The following SVEP1 variants were observed in gnomAD, a reference collection of about 807,000 sequenced individuals.
SVEP1 encodes sushi, von Willebrand factor type A, EGF and pentraxin domain-containing protein 1.
SVEP1 carries 164 observed loss-of-function variants against 367.3 expected under a neutral mutation model. The observed-to-expected ratio is 0.45, with a 90% CI of 0.39 to 0.51. The LOEUF (loss-of-function observed/expected upper bound fraction) is 0.51, where lower values mean the gene tolerates loss of function less well. Ranked by LOEUF, SVEP1 falls within the 20% of genes least tolerant of loss-of-function variation. The pLI, the probability that SVEP1 is intolerant of heterozygous loss-of-function variation, is 0.00. For synonymous variants in SVEP1, 1,666 were observed against 1,611.6 expected (o/e 1.03, Z -0.81); for missense variants, 4,117 against 4,425.3 (o/e 0.93, Z 1.98).
At chr9:110,540,663 G>T (rs1389106101) in intron 3 of SVEP1, among the ~76,000 whole-genome samples, 1 of 152,046 alleles carries the variant, frequency 6.6e-6, no homozygotes, top group African/African-American at 2.4e-5. Flanking sequence ...TTGAGTCAAG[G>T]GAAATTATAA....
chr9:110,512,027 G>T (rs1829726528), intron 5 of SVEP1, among the ~76,000 whole-genome samples: 1 of 152,080 alleles, frequency 6.6e-6, no homozygotes, highest in Non-Finnish European at 1.5e-5. Flanking sequence ...TTAAATTTCA[G>T]AAAATCAACA....
At chr9:110,392,559 AGGAGTTGT>A (rs1454834055) in intron 40 of SVEP1, among the ~76,000 whole-genome samples, 5 of 152,132 alleles carry the variant, frequency 3.3e-5, no homozygotes, top group African/African-American at 1.2e-4. Flanking sequence ...ATTAATTCTT[AGGAGTTGT>A]GAATTCTGCT....
rs928091975 is a variant in SVEP1, at chr9:110,484,832, A to G, written c.1931-1139T>C. 5.3e-5 allele frequency among the ~76,000 whole-genome samples: 8 copies of G among 152,238 alleles called. No homozygotes were observed. The South Asian group carries it at 1.0e-3, about 20-fold the overall frequency. Reference sequence around the variant, plus strand: ...TATGCGGCCAACAAACATATGAAAAAAAGCTCATTATCACTGATCATTAGA... The same window carrying G: ...TATGCGGCCAACAAACATATGAAAAGAAGCTCATTATCACTGATCATTAGA... On this transcript the variant is annotated intron_variant, in intron 9 of 47. Coordinates refer to ENST00000374469, the MANE Select transcript of SVEP1 (RefSeq NM_153366.4).
At chr9:110,519,089 T>G (rs1010865558) in intron 3 of SVEP1, among the ~76,000 whole-genome samples, 2 of 152,160 alleles carry the variant, frequency 1.3e-5, no homozygotes, top group African/African-American at 2.4e-5. Context: ...CCCACCACAT[T>G]TTTGGGGAGT....
At chr9:110,546,823 T>G (rs1200789535) in intron 2 of SVEP1, among the ~76,000 whole-genome samples, 1 of 152,214 alleles carries the variant, frequency 6.6e-6, no homozygotes, top group Non-Finnish European at 1.5e-5. Flanking sequence ...TCTTATTACT[T>G]GAGCCATGCT....
At chr9:110,522,008 A>G (rs544677979) in intron 3 of SVEP1, among the ~76,000 whole-genome samples, 1 of 152,278 alleles carries the variant, frequency 6.6e-6, no homozygotes, top group South Asian at 2.1e-4. Flanking sequence ...TCTTAGGCAA[A>G]GGAATATTAA....
At chr9:110,528,456 C>T (rs766550366) in intron 3 of SVEP1, among the ~76,000 whole-genome samples, 1 of 151,692 alleles carries the variant, frequency 6.6e-6, no homozygotes, top group Admixed American at 6.6e-5. Context: ...TCACCATATC[C>T]GTGCCAACAT....
intron 47 of SVEP1, among the ~76,000 whole-genome samples, chr9:110,369,092 G>A (rs192595242): frequency 3.9e-5 from 6 of 152,192 alleles, no homozygotes; most frequent in Admixed American, 3.3e-4. Context: ...AAATCTAAGT[G>A]CAGTGATATA....
intron 1 of SVEP1, among the ~76,000 whole-genome samples, chr9:110,550,650 T>C (rs1308617357): frequency 6.6e-6 from 1 of 152,260 alleles, no homozygotes; most frequent in Admixed American, 6.5e-5. Flanking sequence ...TATTTGTTTT[T>C]CCACTTGCTC....
intron 29 of SVEP1, among the ~76,000 whole-genome samples, chr9:110,435,011 T>C (rs1828412471): frequency 6.6e-6 from 1 of 152,208 alleles, no homozygotes; most frequent in African/African-American, 2.4e-5. Flanking sequence ...GATATTATTT[T>C]ACTTTCATCC....
chr9:110,407,936 T>G lies in SVEP1; in HGVS notation c.7664A>C (p.His2555Pro), dbSNP rs1350213165. 1 of 1,614,010 alleles carries G rather than the reference T, an allele frequency of 6.2e-7. No individual in the cohort carries two copies. The highest frequency in any genetic ancestry group is 1.7e-5 in the Admixed American group (1 of 60,022). The change falls in exon 38 of 48, where the codon CAC (histidine) becomes CCC (proline). Residue 2555 changes from histidine to proline, a missense_variant. This residue lies in a region of SVEP1 where 1,765 missense variants were observed against 1,781.1 expected (regional missense o/e 0.99). Coordinates refer to ENST00000374469, the MANE Select transcript of SVEP1 (RefSeq NM_153366.4). ...DVDAPSCNAI[H>P]CDSPQPIENG... ...TTCAATGGGTTGTGGGGAATCACAG[T>G]GGATGGCATTGCAAGATGGGGCATC... is the stretch of plus-strand genomic sequence containing the variant.
At position 110,465,997 on chromosome 9, in the gene SVEP1, T is replaced by C. The variant is rs749158424; in HGVS notation, c.3190A>G (p.Ser1064Gly). ...CACGATTCACAAGTCTCAAGTCCAC[T>C]GTATGAGTAGGTGCCTTGTTTACAC... ...AQCKQGTYSY[S>G]GLETCESCPL... The change falls in exon 18 of 48, where the codon AGT (serine) becomes GGT (glycine). Residue 1064 changes from serine (S) to glycine (G), a missense_variant. By Grantham distance (56) the Ser-to-Gly change is moderately conservative (BLOSUM62 0). Coordinates refer to ENST00000374469, the MANE Select transcript of SVEP1 (RefSeq NM_153366.4). 1.2e-6 allele frequency: 2 copies of C among 1,613,680 alleles called. No individual in the cohort carries two copies. Among genetic ancestry groups the C allele is most frequent in the Admixed American group, 1.7e-5 (1 of 59,986 alleles).
chr9:110,579,552 A>C lies in SVEP1; in HGVS notation c.-9T>G. 2 of 1,578,782 alleles carry C rather than the reference A, an allele frequency of 1.3e-6. No homozygotes were observed. Among genetic ancestry groups the C allele is most frequent in the Non-Finnish European group, 1.7e-6 (2 of 1,166,426 alleles). ...GCCAGGCGAGGCCACATCGCGCTGGAGACAGAGCGGCTGCCCCGGAGCGCA... is the reference window on the plus strand; with the variant it reads ...GCCAGGCGAGGCCACATCGCGCTGGCGACAGAGCGGCTGCCCCGGAGCGCA... On this transcript the variant is annotated 5_prime_UTR_variant, in exon 1 of 48. Coordinates refer to ENST00000374469, the MANE Select transcript of SVEP1 (RefSeq NM_153366.4). The surrounding 1 kb of genome is among the most constrained non-coding windows in gnomAD (Gnocchi z 5.3).
intron 42 of SVEP1, among the ~76,000 whole-genome samples, chr9:110,386,618 T>C (rs968809397): frequency 2.0e-5 from 3 of 152,076 alleles, no homozygotes; most frequent in Non-Finnish European, 4.4e-5. Context: ...GTTTTATTGA[T>C]AAAGATGGAT....
intron 46 of SVEP1, among the ~76,000 whole-genome samples, chr9:110,372,708 T>C (rs1020592778): frequency 2.6e-5 from 4 of 152,004 alleles, no homozygotes; most frequent in Non-Finnish European, 5.9e-5. Context: ...AGGAAGATCA[T>C]TGCAAATGTA....
chr9:110,394,895 T>G (rs59375819), intron 40 of SVEP1, among the ~76,000 whole-genome samples: 3,220 of 152,162 alleles, frequency 0.021, 110 homozygotes, highest in African/African-American at 0.073. Flanking sequence ...CTGAAAGTGA[T>G]GGGGAGAATG....
intron 1 of SVEP1, among the ~76,000 whole-genome samples, chr9:110,572,731 G>A (rs1443877748): frequency 5.7e-5 from 8 of 139,248 alleles, no homozygotes; most frequent in Admixed American, 1.5e-4. Context: ...GTGTGACGCC[G>A]AGATGGCGTC....
At chr9:110,431,876 A>G in intron 32 of SVEP1, 39 bp downstream of exon 32, 1 of 1,611,568 alleles carries the variant, frequency 6.2e-7, no homozygotes, top group Non-Finnish European at 8.5e-7. Context: ...GAATAAAAGA[A>G]TGGAATTAGG....
intron 24 of SVEP1, 105 bp from the exon 25 acceptor site, chr9:110,447,162 A>G (rs1044279663): frequency 1.9e-6 from 2 of 1,076,684 alleles, no homozygotes; most frequent in Non-Finnish European, 2.4e-6. Context: ...GCTGGAACAC[A>G]TTTTCTACAC....
Sources: allele counts gnomAD v4.1 joint callset (sites outside exome capture counted in the v4.1 genomes callset), GRCh38; gene constraint gnomAD v4.1.1; regional missense constraint gnomAD v4.1.1; non-coding constraint Gnocchi (gnomAD v3.1); transcripts MANE v1.5; gene names NCBI Gene and HGNC (gene_info 2026-07-23, HGNC 2026-07-21).